PCDHGA6: variants seen among roughly 807,000 people sequenced by gnomAD.
The protein encoded by PCDHGA6 is protocadherin gamma subfamily A, 6.
A neutral mutation model predicts 60.6 loss-of-function variants in PCDHGA6; 41 were observed. The ratio of observed to expected loss-of-function variants is 0.68; its 90% CI spans 0.53 to 0.88. PCDHGA6 has a LOEUF of 0.88. Ranked by LOEUF, PCDHGA6 falls within the 40% of genes least tolerant of loss-of-function variation. The probability of loss-of-function intolerance (pLI) is 0.00; values close to 1 mark genes in which losing one functional copy is unlikely to be tolerated. For synonymous variants in PCDHGA6, 594 were observed against 524.4 expected (o/e 1.13, Z -1.81); for missense variants, 1,312 against 1,203.0 (o/e 1.09, Z -1.34).
At chr5:141,470,628 G>T (rs1475199767) in intron 1 of PCDHGA6, among the ~76,000 whole-genome samples, 12 of 152,146 alleles carry the variant, frequency 7.9e-5, no homozygotes, top group Admixed American at 7.9e-4. Flanking sequence ...GCTTAGATAG[G>T]CCCCCTTGCT....
At chr5:141,498,361 T>C (rs1256361883) in intron 2 of PCDHGA6, among the ~76,000 whole-genome samples, 1 of 151,460 alleles carries the variant, frequency 6.6e-6, no homozygotes, top group African/African-American at 2.4e-5. Flanking sequence ...GCAAAAGCCT[T>C]GTGGTGAGGC....
At chr5:141,500,411 G>A (rs376320602) in intron 2 of PCDHGA6, among the ~76,000 whole-genome samples, 4 of 151,592 alleles carry the variant, frequency 2.6e-5, no homozygotes, top group East Asian at 2.0e-4. Context: ...GGGTTTCACC[G>A]TGTTAGCCAG....
intron 1 of PCDHGA6, chr5:141,424,572 T>C (rs1272121500): frequency 6.6e-6 from 1 of 152,238 alleles, no homozygotes; most frequent in East Asian, 1.9e-4. Context: ...CAAAAACCTA[T>C]TTTCAAATGT....
At chr5:141,437,381 C>T (rs2097879875) in intron 1 of PCDHGA6, among the ~76,000 whole-genome samples, 1 of 152,222 alleles carries the variant, frequency 6.6e-6, no homozygotes, top group Non-Finnish European at 1.5e-5. Flanking sequence ...AGTCAGAAGA[C>T]ATTCATCCAC....
Position 141,374,617 on chromosome 5 carries a change from C to A in PCDHGA6, c.534C>A (p.Phe178Leu), listed in dbSNP as rs981307720. The A allele has an allele frequency of 3.7e-6, 6 of 1,613,400 alleles. No homozygotes were observed. The highest frequency in any genetic ancestry group is 1.3e-5 in the African/African-American group (1 of 74,938). The change falls in exon 1 of 4, where the codon TTC becomes TTA. Residue 178 changes from phenylalanine to leucine, a missense_variant. Transcript: ENST00000517434. ...QGFKLSGNSHFSVDVQSEAHG... is the reference protein window; with the variant it reads ...QGFKLSGNSHLSVDVQSEAHG... ...TTAAGCTCAGTGGTAATAGTCACTT[C>A]TCAGTGGACGTGCAAAGCGAAGCCC...
At chr5:141,505,275 AGGTCTTGGGCATGGGGTAG>A (rs1251192617) in intron 2 of PCDHGA6, 99 bp from the exon 3 acceptor site, 87 of 1,525,470 alleles carry the variant, frequency 5.7e-5, no homozygotes, top group Non-Finnish European at 2.0e-5. Context: ...TGAGAGAAAC[AGGTCTTGGGCATGGGGTAG>A]GGTTAGGGTA....
In PCDHGA6 at chr5:141,432,017, A is replaced by G. The variant is rs372826902; in HGVS notation, c.2424+55510A>G. The stretch of plus-strand genomic sequence containing the variant: ...TAGGGAACAGGTTCCTAGCTACAAC[A>G]TCACAGTGACCGCCACTGACCGGGG... On this transcript the variant is annotated intron_variant, in intron 1 of 3. Coordinates refer to ENST00000517434, the MANE Select transcript of PCDHGA6 (RefSeq NM_018919.3). This position sits in a 1 kb window ranked among gnomAD's most constrained non-coding sequence, Gnocchi z 6.0. The G allele has an allele frequency of 6.2e-7, 1 of 1,614,224 alleles. No individual in the cohort carries two copies. Among genetic ancestry groups the G allele is most frequent in the Non-Finnish European group, 8.5e-7 (1 of 1,180,038 alleles).
At chr5:141,406,072 CTT>C (rs530474569) in intron 1 of PCDHGA6, among the ~76,000 whole-genome samples, 69 of 141,430 alleles carry the variant, frequency 4.9e-4, no homozygotes, top group African/African-American at 9.6e-4. Flanking sequence ...ATTCTTACTC[CTT>C]TTTTTTTTTT....
chr5:141,410,032 G>C (rs1395086834), intron 1 of PCDHGA6: 5 of 1,613,162 alleles, frequency 3.1e-6, no homozygotes, highest in African/African-American at 1.3e-5. Flanking sequence ...ACGTGCTGCA[G>C]GCCAGTGAGC....
In PCDHGA6 at chr5:141,431,469, A is replaced by G; in HGVS notation, c.2424+54962A>G. 1.9e-6 allele frequency: 3 copies of G among 1,613,824 alleles called. No individual in the cohort carries two copies. Among genetic ancestry groups the G allele is most frequent in the Non-Finnish European group, 2.5e-6 (3 of 1,179,968 alleles). ...CGCGTGATGGTTCTGGATGCGAACG[A>G]CAACGCACCAGCGTTTGCTCAGCCC... is the stretch of plus-strand genomic sequence containing the variant. On this transcript the variant is annotated intron_variant, in intron 1 of 3. Coordinates refer to ENST00000517434, the MANE Select transcript of PCDHGA6 (RefSeq NM_018919.3). This position sits in a 1 kb window ranked among gnomAD's most constrained non-coding sequence, Gnocchi z 4.8.
At chr5:141,423,318 G>T (rs1165459779) in intron 1 of PCDHGA6, 17 of 1,614,006 alleles carry the variant, frequency 1.1e-5, no homozygotes, top group South Asian at 8.8e-5. Context: ...TGGTGGTGGC[G>T]GTGGCCGCAG....
At chr5:141,376,556 A>G in intron 1 of PCDHGA6, 49 bp downstream of exon 1, 1 of 1,611,100 alleles carries the variant, frequency 6.2e-7, no homozygotes, top group Non-Finnish European at 8.5e-7. Context: ...TCTTCCCGCA[A>G]CCCAACTAAT....
At chr5:141,450,829 A>ATTTTT (rs373424450) in intron 1 of PCDHGA6, among the ~76,000 whole-genome samples, 3 of 135,122 alleles carry the variant, frequency 2.2e-5, no homozygotes, top group Admixed American at 7.6e-5. Flanking sequence ...TATTATTATT[A>ATTTTT]TTTTTTTTTT....
In PCDHGA6 at chr5:141,512,517, A is replaced by G. The variant is rs985434754; in HGVS notation, c.*1344A>G. ...GTCCCCAGTGCGCCCCCTAGTGGCC[A>G]TAGCCTGGTTAAAGTTCCCCAGTGC... On this transcript the variant is annotated 3_prime_UTR_variant, in exon 4 of 4. Coordinates refer to ENST00000517434, the MANE Select transcript of PCDHGA6 (RefSeq NM_018919.3). 3 of 152,938 alleles carry G rather than the reference A, an allele frequency of 2.0e-5. No individual in the cohort carries two copies. Among genetic ancestry groups the G allele is most frequent in the African/African-American group, 7.2e-5 (3 of 41,464 alleles). 9.5% of individuals were successfully genotyped at this position (152,938 alleles called of 1,614,324 possible).
intron 1 of PCDHGA6, among the ~76,000 whole-genome samples, chr5:141,474,432 C>T (rs1050895539): frequency 6.6e-6 from 1 of 152,214 alleles, no homozygotes; most frequent in Non-Finnish European, 1.5e-5. Context: ...GGTCCTCACA[C>T]TTTGAGTAGC....
chr5:141,400,694 C>G, intron 1 of PCDHGA6: 2 of 763,776 alleles, frequency 2.6e-6, no homozygotes, highest in Non-Finnish European at 4.2e-6. Flanking sequence ...GTTTTTATGT[C>G]GCATAAAAGA....
intron 1 of PCDHGA6, among the ~76,000 whole-genome samples, chr5:141,434,860 A>G (rs2097723622): frequency 6.6e-6 from 1 of 151,982 alleles, no homozygotes; most frequent in African/African-American, 2.4e-5. Flanking sequence ...ATAAATTTAT[A>G]TATATGTGAC....
chr5:141,431,401 C>T lies in PCDHGA6; in HGVS notation c.2424+54894C>T. ...CTGCTCACCACCTGGTCCTTACGGC[C>T]TCCGACGGGGGCGACCCGGTGCGCA... On this transcript the variant is annotated intron_variant, in intron 1 of 3. Transcript: ENST00000517434. The surrounding 1 kb of genome is among the most constrained non-coding windows in gnomAD (Gnocchi z 4.8). 2 of 1,613,800 alleles carry T rather than the reference C, an allele frequency of 1.2e-6. No homozygotes were observed. Among genetic ancestry groups the T allele is most frequent in the Admixed American group, 1.7e-5 (1 of 60,036 alleles).
In PCDHGA6 at chr5:141,511,460, A is replaced by ACCC. The variant is rs1367357803; in HGVS notation, c.*289_*291dup. The ACCC allele has an allele frequency of 2.4e-4, 137 of 564,806 alleles. 1 individual carries two copies. In the Middle Eastern group the frequency reaches 2.7e-3, roughly 11 times the overall value. The allele number at this position is 564,806 out of a possible 1,614,324, so 35.0% of individuals were successfully genotyped here. A position where few individuals can be genotyped will look rare whatever the true frequency, so the allele number is the denominator to read the frequency against. ...GTAGACACCAAGAACCATTTGCCAC[A>ACCC]CCCCGTTTAGTTACAGCTGAACTCC... On this transcript the variant is annotated 3_prime_UTR_variant, in exon 4 of 4. Transcript: ENST00000517434.
Sources: allele counts gnomAD v4.1 joint callset (sites outside exome capture counted in the v4.1 genomes callset), GRCh38; gene constraint gnomAD v4.1.1; non-coding constraint Gnocchi (gnomAD v3.1); transcripts MANE v1.5; gene names NCBI Gene and HGNC (gene_info 2026-07-23, HGNC 2026-07-21).